DFFB: variants seen among roughly 807,000 people sequenced by gnomAD.
DFFB encodes DNA fragmentation factor 40 kDa subunit.
DFFB carries 29 observed loss-of-function variants against 32.7 expected under a neutral mutation model. The ratio of observed to expected loss-of-function variants is 0.89; its 90% CI spans 0.66 to 1.21. The LOEUF (loss-of-function observed/expected upper bound fraction) is 1.21, where lower values mean the gene tolerates loss of function less well. DFFB is among the 50% of genes most tolerant of loss of function. The pLI, the probability that DFFB is intolerant of heterozygous loss-of-function variation, is 0.00. For missense variants in DFFB, 398 were observed against 440.6 expected (o/e 0.90, Z 0.87); for synonymous variants, 170 against 177.1 (o/e 0.96, Z 0.32).
Position 3,865,784 on chromosome 1 carries a change from C to T in DFFB, c.242-28C>T, listed in dbSNP as rs1193543231. The T allele has an allele frequency of 1.9e-6, 3 of 1,614,094 alleles. No homozygotes were observed. The highest frequency in any genetic ancestry group is 1.1e-5 in the South Asian group (1 of 91,074). On this transcript the variant is annotated intron_variant, in intron 2 of 6. Transcript: ENST00000378209. The surrounding 1 kb of genome is among the most constrained non-coding windows in gnomAD (Gnocchi z 4.7). ...CAGGATGTGTCTTCTGCTGGACCGG[C>T]ACCTTTTGTTTGTCCCATTGGTGGC...
Position 3,865,689 on chromosome 1 carries a change from G to T in DFFB, c.242-123G>T, listed in dbSNP as rs1644963894. 6.1e-6 allele frequency: 9 copies of T among 1,486,256 alleles called. No individual in the cohort carries two copies. The East Asian group carries it at 2.0e-4, about 34-fold the overall frequency. 92.1% of individuals were successfully genotyped at this position (1,486,256 alleles called of 1,614,324 possible). A position where few individuals can be genotyped will look rare whatever the true frequency, so the allele number is the denominator to read the frequency against. ...CAAAGACCCGGGACACCTCAAGTCTGAGTCCTGGTGATTGCCAGGCCCTGG... is the reference window on the plus strand; with the variant it reads ...CAAAGACCCGGGACACCTCAAGTCTTAGTCCTGGTGATTGCCAGGCCCTGG... On this transcript the variant is annotated intron_variant, in intron 2 of 6. Transcript: ENST00000378209. The surrounding 1 kb of genome is among the most constrained non-coding windows in gnomAD (Gnocchi z 4.7).
At chr1:3,867,915 A>G in intron 3 of DFFB, 59 bp from the exon 4 acceptor site, 2 of 1,524,108 alleles carry the variant, frequency 1.3e-6, no homozygotes, top group Non-Finnish European at 1.8e-6. Flanking sequence ...GGCAGGACAC[A>G]GACCCAGAGG....
intron 2 of DFFB, among the ~76,000 whole-genome samples, chr1:3,863,154 C>A (rs1009669780): frequency 6.6e-6 from 1 of 152,202 alleles, no homozygotes; most frequent in Admixed American, 6.5e-5. Context: ...ACGGGACTTG[C>A]ATCAGAATAT....
chr1:3,860,335 C>G, intron 2 of DFFB: 1 of 317,236 alleles, frequency 3.2e-6, no homozygotes, highest in Non-Finnish European at 7.0e-6. Flanking sequence ...CAAGTGATCC[C>G]GTTGCCTCAG....
chr1:3,857,598 T>C lies in DFFB; in HGVS notation c.-6T>C, dbSNP rs773548352. 7 of 1,577,156 alleles carry C rather than the reference T, an allele frequency of 4.4e-6. No homozygotes were observed. Among genetic ancestry groups the C allele is most frequent in the Non-Finnish European group, 6.0e-6 (7 of 1,162,352 alleles). ...GTGGGACCCAGAGGGCTTGAGGACA[T>C]CTGCAATGCTCCAGAAGCCCAAGAG... On this transcript the variant is annotated 5_prime_UTR_variant, in exon 1 of 7. Transcript: ENST00000378209.
chr1:3,878,067 A>C (rs1263293633), intron 6 of DFFB, among the ~76,000 whole-genome samples: 1 of 150,834 alleles, frequency 6.6e-6, no homozygotes, highest in Non-Finnish European at 1.5e-5. Flanking sequence ...CTAGAATGTG[A>C]CTCTGTGGGG....
rs1425801656 is a variant in DFFB, at chr1:3,884,279, T to C, written c.*538T>C. On this transcript the variant is annotated 3_prime_UTR_variant, in exon 7 of 7. Coordinates refer to ENST00000378209, the MANE Select transcript of DFFB (RefSeq NM_004402.4). ...GTGAGTACCTGGTCATACGGGTCAG[T>C]AGGGATAAGAATTGTCTCTGGGCTG... 1 of 161,838 alleles carries C rather than the reference T, an allele frequency of 6.2e-6. No individual in the cohort carries two copies. The highest frequency in any genetic ancestry group is 1.4e-5 in the Non-Finnish European group (1 of 73,384). 10.0% of individuals were successfully genotyped at this position (161,838 alleles called of 1,614,324 possible).
At chr1:3,874,536 G>A (rs374155951) in intron 6 of DFFB, among the ~76,000 whole-genome samples, 903 of 35,046 alleles carry the variant, frequency 0.026, no homozygotes, top group East Asian at 0.038. Flanking sequence ...TTTACCACAC[G>A]CGTGTGGGTT....
chr1:3,870,996 C>T (rs956430854), intron 5 of DFFB, among the ~76,000 whole-genome samples: 2 of 152,316 alleles, frequency 1.3e-5, no homozygotes, highest in East Asian at 3.9e-4. Flanking sequence ...GTGGCCATGG[C>T]ACCTTCAGTG....
At position 3,857,495 on chromosome 1, in the gene DFFB, G is replaced by A; in HGVS notation, c.-109G>A. The A allele has an allele frequency of 1.4e-6, 1 of 710,780 alleles. No homozygotes were observed. The highest frequency in any genetic ancestry group is 3.4e-5 in the East Asian group (1 of 29,684). 44.0% of individuals were successfully genotyped at this position (710,780 alleles called of 1,614,324 possible). ...ATCGGCACCCGGCCTGTGCCAGCTT[G>A]CAGAGCTCACCAGGTGCAGACCCCT... On this transcript the variant is annotated 5_prime_UTR_variant, in exon 1 of 7. Coordinates refer to ENST00000378209, the MANE Select transcript of DFFB (RefSeq NM_004402.4).
chr1:3,882,109 G>T (rs534765125), intron 6 of DFFB, among the ~76,000 whole-genome samples: 36 of 152,234 alleles, frequency 2.4e-4, no homozygotes, highest in African/African-American at 8.2e-4. Flanking sequence ...GAATGCAGTG[G>T]TACGATCTTG....
intron 6 of DFFB, among the ~76,000 whole-genome samples, chr1:3,876,913 A>G (rs970103633): frequency 6.6e-6 from 1 of 152,184 alleles, no homozygotes; most frequent in Admixed American, 6.5e-5. Context: ...CATGCGGTTC[A>G]GGGGCCCCTG....
At position 3,866,197 on chromosome 1, in the gene DFFB, G is replaced by A. The variant is rs374812443; in HGVS notation, c.430+197G>A. 32 of 689,924 alleles carry A rather than the reference G, an allele frequency of 4.6e-5. 1 individual carries two copies. The highest frequency in any genetic ancestry group is 3.5e-4 in the African/African-American group (20 of 56,494). The allele number at this position is 689,924 out of a possible 1,614,324, so 42.7% of individuals were successfully genotyped here. A position where few individuals can be genotyped will look rare whatever the true frequency, so the allele number is the denominator to read the frequency against. The stretch of plus-strand genomic sequence containing the variant: ...AAAGGTACCCAGCAAGGACTCAGGT[G>A]GGGCCAGAGTCCAGGGCAGCCCTCG... On this transcript the variant is annotated intron_variant, in intron 3 of 6. Coordinates refer to ENST00000378209, the MANE Select transcript of DFFB (RefSeq NM_004402.4).
chr1:3,875,638 TTC>T (rs1278706125), intron 6 of DFFB, among the ~76,000 whole-genome samples: 1 of 152,232 alleles, frequency 6.6e-6, no homozygotes, highest in Non-Finnish European at 1.5e-5. Flanking sequence ...AAGGTTGAGC[TTC>T]TCTTTCCACG....
chr1:3,869,102 C>G (rs1645057732), intron 4 of DFFB, among the ~76,000 whole-genome samples: 2 of 152,220 alleles, frequency 1.3e-5, no homozygotes, highest in Non-Finnish European at 2.9e-5. Context: ...CTCTGTTGCT[C>G]AGGCTGGAGT....
Position 3,859,000 on chromosome 1 carries a change from C to A in DFFB, c.241+156C>A, listed in dbSNP as rs865939160. Reference sequence around the variant, plus strand: ...GCCCTCTGGAGGCAGAACTGGTCAGCGTCGCTTAGGTGGCAGAGTCCTCAG... The same window carrying A: ...GCCCTCTGGAGGCAGAACTGGTCAGAGTCGCTTAGGTGGCAGAGTCCTCAG... On this transcript the variant is annotated intron_variant, in intron 2 of 6. Transcript: ENST00000378209. The A allele has an allele frequency of 1.1e-5, 12 of 1,104,060 alleles. No individual in the cohort carries two copies. In the African/African-American group the frequency reaches 1.7e-4, roughly 16 times the overall value. 68.4% of individuals were successfully genotyped at this position (1,104,060 alleles called of 1,614,324 possible).
chr1:3,859,049 G>GT (rs1233248340), intron 2 of DFFB, among the ~76,000 whole-genome samples: 1 of 152,186 alleles, frequency 6.6e-6, no homozygotes, highest in Non-Finnish European at 1.5e-5. Flanking sequence ...GAACCCAGCT[G>GT]TTCAATTGGT....
chr1:3,861,598 T>C (rs779021405), intron 2 of DFFB, among the ~76,000 whole-genome samples: 2 of 152,150 alleles, frequency 1.3e-5, no homozygotes, highest in Non-Finnish European at 2.9e-5. Context: ...TGGCTAATTT[T>C]TGTATTTTCT....
rs1473221734 is a variant in DFFB at position 3,883,884 on chromosome 1, A to C, written c.*143A>C. 2 of 638,980 alleles carry C rather than the reference A, an allele frequency of 3.1e-6. No individual in the cohort carries two copies. Among genetic ancestry groups the C allele is most frequent in the Non-Finnish European group, 5.5e-6 (2 of 365,484 alleles). The allele number at this position is 638,980 out of a possible 1,614,324, so 39.6% of individuals were successfully genotyped here. A position where few individuals can be genotyped will look rare whatever the true frequency, so the allele number is the denominator to read the frequency against. The stretch of plus-strand genomic sequence containing the variant: ...AAACCTTAAAAAATGTTTCCTCCAA[A>C]TCTGATTTCATTACATTTCTGAATT... On this transcript the variant is annotated 3_prime_UTR_variant, in exon 7 of 7. Transcript: ENST00000378209.
Sources: gnomAD v4.1 joint callset for allele counts (sites outside exome capture counted in the v4.1 genomes callset) on GRCh38, gnomAD v4.1.1 for gene constraint, Gnocchi (gnomAD v3.1) non-coding constraint, MANE v1.5 for transcripts, NCBI Gene and HGNC (gene_info 2026-07-23, HGNC 2026-07-21) for gene names.